Variants in SAMD3 observed in about 807,000 individuals in gnomAD.
SAMD3 encodes sterile alpha motif domain containing 3.
Under a neutral mutation model 58.5 loss-of-function variants are expected in SAMD3, and 63 were observed. That is an observed-to-expected ratio of 1.08 (90% CI 0.88 to 1.33). SAMD3 has a LOEUF of 1.33. SAMD3 is among the 40% of genes most tolerant of loss of function. SAMD3 has a pLI of 0.00. For synonymous variants in SAMD3, 220 were observed against 210.3 expected, an observed-to-expected ratio of 1.05 and a Z score of -0.40; for missense variants, 604 against 608.4, an observed-to-expected ratio of 0.99 and a Z score of 0.08.
At chr6:130,301,843 T>C (rs951382966) in intron 2 of SAMD3, among the ~76,000 whole-genome samples, 1 of 151,892 alleles carries the variant, frequency 6.6e-6, no homozygotes, top group Non-Finnish European at 1.5e-5. Flanking sequence ...AAATAAACAA[T>C]GGAGGAAGGA....
chr6:130,194,456 C>A (rs1052824381), intron 5 of SAMD3, among the ~76,000 whole-genome samples: 1 of 152,258 alleles, frequency 6.6e-6, no homozygotes, highest in Non-Finnish European at 1.5e-5. Flanking sequence ...ATTTAATTAA[C>A]CTCACCTTCA....
chr6:130,169,743 A>C (rs538979068), intron 8 of SAMD3, among the ~76,000 whole-genome samples: 54 of 152,316 alleles, frequency 3.5e-4, no homozygotes, highest in Non-Finnish European at 7.1e-4. Flanking sequence ...GTGAGTGTAC[A>C]AGCTGGTTAA....
rs560808593 is a variant in SAMD3, at chr6:130,262,594, A to AC, written c.-187-39782_-187-39781insG. Among the ~76,000 whole-genome samples the AC allele has an allele frequency of 3.3e-3, 506 of 151,998 alleles. 1 individual carries two copies. Among genetic ancestry groups the AC allele is most frequent in the Non-Finnish European group, 5.0e-3 (339 of 67,982 alleles). On this transcript the variant is annotated intron_variant, in intron 2 of 13. Coordinates refer to the SAMD3 transcript ENST00000368134. ...TCCTCCCAGGTAATTGAAAAAAAAA[A>AC]AGGTTATAAAAGGAAATTCATGCAA...
At position 130,184,427 on chromosome 6, in the gene SAMD3, T is replaced by C; in HGVS notation, c.569+11A>G. On this transcript the variant is annotated intron_variant, in intron 6 of 11. Transcript: ENST00000439090. ...TTCCCAAAGCAGCAAGCTTGTCCTG[T>C]TGTCACTCACAGTGAGCCTTCCAGA... is the stretch of plus-strand genomic sequence containing the variant. The C allele has an allele frequency of 6.2e-7, 1 of 1,611,938 alleles. No individual in the cohort carries two copies. The highest frequency in any genetic ancestry group is 2.2e-5 in the East Asian group (1 of 44,812).
chr6:130,263,439 C>T (rs1774215249), intron 2 of SAMD3, among the ~76,000 whole-genome samples: 1 of 152,080 alleles, frequency 6.6e-6, no homozygotes, highest in Non-Finnish European at 1.5e-5. Context: ...CAGAAGGACC[C>T]TACCTTGTGC....
chr6:130,254,151 C>T (rs182902677), intron 2 of SAMD3, among the ~76,000 whole-genome samples: 21 of 148,770 alleles, frequency 1.4e-4, no homozygotes. Context: ...TGCCACTACG[C>T]TCAGCTAACT....
intron 8 of SAMD3, among the ~76,000 whole-genome samples, chr6:130,175,323 G>A (rs1791622118): frequency 6.6e-6 from 1 of 152,142 alleles, no homozygotes; most frequent in African/African-American, 2.4e-5. Flanking sequence ...CCCTCCCACG[G>A]GCCCTCAGCC....
chr6:130,207,323 T>G (rs541626071), intron 5 of SAMD3, among the ~76,000 whole-genome samples: 88 of 152,252 alleles, frequency 5.8e-4, no homozygotes, highest in Middle Eastern at 3.4e-3. Flanking sequence ...CCGAGTGCCC[T>G]CTGTGTGCTT....
chr6:130,267,840 T>C (rs10872356), intron 2 of SAMD3, among the ~76,000 whole-genome samples: 47,286 of 152,128 alleles, frequency 0.31, 7,733 homozygotes, highest in East Asian at 0.47. Context: ...CCCTCTCACA[T>C]GGAGCCCCAT....
At chr6:130,323,297 C>G (rs1169365612) in intron 1 of SAMD3, among the ~76,000 whole-genome samples, 1 of 152,178 alleles carries the variant, frequency 6.6e-6, no homozygotes, top group Non-Finnish European at 1.5e-5. Context: ...CTTTACCCAT[C>G]CACACTCCTG....
chr6:130,264,339 G>A (rs886978514), intron 2 of SAMD3, among the ~76,000 whole-genome samples: 5 of 152,186 alleles, frequency 3.3e-5, no homozygotes, highest in African/African-American at 1.2e-4. Flanking sequence ...TCATGACAGG[G>A]AGGAAATAGC....
At chr6:130,309,070 C>A (rs114580851) in intron 2 of SAMD3, among the ~76,000 whole-genome samples, 247 of 152,288 alleles carry the variant, frequency 1.6e-3, no homozygotes, top group African/African-American at 5.8e-3. Flanking sequence ...AGTCTTATTA[C>A]ATAAGTTTGA....
intron 1 of SAMD3, among the ~76,000 whole-genome samples, chr6:130,328,514 A>C (rs373743852): frequency 5.9e-5 from 9 of 152,222 alleles, no homozygotes; most frequent in East Asian, 5.8e-4. Context: ...TATTCACATT[A>C]GCCTATGAGG....
chr6:130,144,375 A>C lies in SAMD3; in HGVS notation c.*145T>G. The C allele has an allele frequency of 2.9e-6, 2 of 687,392 alleles. No homozygotes were observed. Among genetic ancestry groups the C allele is most frequent in the Non-Finnish European group, 4.7e-6 (2 of 421,686 alleles). The allele number at this position is 687,392 out of a possible 1,614,324, so 42.6% of individuals were successfully genotyped here. A position where few individuals can be genotyped will look rare whatever the true frequency, so the allele number is the denominator to read the frequency against. On this transcript the variant is annotated 3_prime_UTR_variant, in exon 12 of 12. Transcript: ENST00000439090. ...AAGAACTTAATATCTAAGTGTAAAG[A>C]TAGAAAGCATTGAAATTCATTAGCA...
At chr6:130,155,739 C>T (rs556724249) in intron 8 of SAMD3, among the ~76,000 whole-genome samples, 34 of 152,118 alleles carry the variant, frequency 2.2e-4, no homozygotes, top group Admixed American at 8.5e-4. Flanking sequence ...CTATAAAAGA[C>T]GAAAAAGGTG....
rs148329425 is a variant in SAMD3, at chr6:130,282,451, A to G, written c.-188+30527T>C. 7.1e-3 allele frequency among the ~76,000 whole-genome samples: 1,078 copies of G among 152,316 alleles called. 11 individuals carry two copies. The highest frequency in any genetic ancestry group is 0.017 in the Middle Eastern group (5 of 294). ...TGGTGGCAAACTGAAGTGTGTGAAA[A>G]CATGAGCTGTTGTGACTGCCCTGAA... On this transcript the variant is annotated intron_variant, in intron 2 of 13. Transcript: ENST00000368134.
intron 5 of SAMD3, among the ~76,000 whole-genome samples, chr6:130,190,472 A>T (rs1793439085): frequency 6.6e-6 from 1 of 152,206 alleles, no homozygotes; most frequent in Admixed American, 6.5e-5. Context: ...GACTGAAATG[A>T]TAGGAAAATT....
intron 3 of SAMD3, 82 bp from the exon 4 acceptor site, chr6:130,214,608 T>TCA: frequency 1.1e-6 from 1 of 945,282 alleles, no homozygotes; most frequent in Non-Finnish European, 1.5e-6. Flanking sequence ...TTACCTCTAG[T>TCA]GATAAAAGGA....
At chr6:130,243,626 G>C (rs1246266734) in intron 2 of SAMD3, among the ~76,000 whole-genome samples, 1 of 152,162 alleles carries the variant, frequency 6.6e-6, no homozygotes, top group African/African-American at 2.4e-5. Flanking sequence ...ACTAAAATTT[G>C]ACCTGAGTTC....
Sources: allele counts gnomAD v4.1 joint callset (sites outside exome capture counted in the v4.1 genomes callset), GRCh38; gene constraint gnomAD v4.1.1; transcripts MANE v1.5; gene names NCBI Gene and HGNC (gene_info 2026-07-23, HGNC 2026-07-21).